Variants in STS observed in about 807,000 individuals in gnomAD.
STS encodes steroid sulfatase.
A neutral mutation model predicts 26.8 loss-of-function variants in STS; 7 were observed. The ratio of observed to expected loss-of-function variants is 0.26; its 90% confidence interval spans 0.15 to 0.49. The LOEUF is 0.49. STS is among the 20% of genes least tolerant of loss of function. STS has a pLI of 0.98. For synonymous variants in STS, 199 were observed against 189.4 expected (o/e 1.05, Z -0.42); for missense variants, 434 against 465.6 (o/e 0.93, Z 0.63).
At chrX:7,218,977 C>A (rs1343225324) in intron 2 of STS, among the ~76,000 whole-genome samples, 3 of 111,729 alleles carry the variant, frequency 2.7e-5, no homozygotes, top group Admixed American at 9.5e-5. Context: ...AGGCTGACAC[C>A]ACTTGTCACT....
At chrX:7,243,646 G>A (rs1211049725) in intron 2 of STS, among the ~76,000 whole-genome samples, 3 of 111,893 alleles carry the variant, frequency 2.7e-5, no homozygotes, top group East Asian at 5.7e-4. Flanking sequence ...ACATTCCCTG[G>A]GTTGGTTATC....
chrX:7,329,603 T>G (rs1569228743), intron 9 of STS, among the ~76,000 whole-genome samples: 2 of 112,453 alleles, frequency 1.8e-5, no homozygotes, highest in East Asian at 2.8e-4. Context: ...GCTAGAGAGA[T>G]ATTAAATTTG....
At position 7,241,149 on chromosome X, in the gene STS, T is replaced by TA. The variant is rs1167633397; in HGVS notation, c.-4-12041dup. 9.8e-5 allele frequency among the ~76,000 whole-genome samples: 11 copies of TA among 111,957 alleles called. No individual in the cohort carries two copies. In the Admixed American group the frequency reaches 1.0e-3, roughly 11 times the overall value. ...ACATCAGCAACTTATACAATAATGA[T>TA]AAAAAACAAAGAACATGGAGAGAAA... On this transcript the variant is annotated intron_variant, in intron 2 of 10. Coordinates refer to ENST00000674429, the MANE Select transcript of STS (RefSeq NM_001320752.2).
At chrX:7,297,055 A>G (rs182148396) in intron 7 of STS, among the ~76,000 whole-genome samples, 116 of 112,177 alleles carry the variant, frequency 1.0e-3, no homozygotes, top group Non-Finnish European at 2.1e-3. Flanking sequence ...TTATATGCAT[A>G]GTATGATTAT....
At chrX:7,155,296 C>G (rs759938607) in intron 1 of STS, among the ~76,000 whole-genome samples, 1 of 112,246 alleles carries the variant, frequency 8.9e-6, no homozygotes, top group South Asian at 3.7e-4. Context: ...AGCATAGGGT[C>G]CATTCTGACT....
intron 6 of STS, among the ~76,000 whole-genome samples, chrX:7,268,256 T>C (rs1165901265): frequency 8.9e-6 from 1 of 112,220 alleles, no homozygotes; most frequent in Non-Finnish European, 1.9e-5. Context: ...TTCCCTAAAA[T>C]CTATGACAGC....
chrX:7,302,622 T>C (rs750076917), intron 7 of STS, among the ~76,000 whole-genome samples: 1 of 112,041 alleles, frequency 8.9e-6, no homozygotes, highest in Admixed American at 9.5e-5. Context: ...CCCGTGGCAC[T>C]TGCAATCAAA....
At chrX:7,192,049 A>C (rs1276153119) in intron 2 of STS, among the ~76,000 whole-genome samples, 7 of 112,355 alleles carry the variant, frequency 6.2e-5, no homozygotes, top group African/African-American at 2.3e-4. Context: ...CAGGGGGCAC[A>C]ATATTTGGCC....
chrX:7,338,174 T>A (rs1409803308), intron 10 of STS, among the ~76,000 whole-genome samples: 2 of 111,641 alleles, frequency 1.8e-5, no homozygotes, highest in African/African-American at 3.2e-5. Context: ...GTATGAAAAA[T>A]TTTGGCTTTA....
chrX:7,229,547 G>A (rs781170348), intron 2 of STS, among the ~76,000 whole-genome samples: 37 of 110,853 alleles, frequency 3.3e-4, no homozygotes, highest in Non-Finnish European at 6.6e-4. Flanking sequence ...TTGGAGGGGT[G>A]CATCTGAGCT....
chrX:7,341,937 G>A (rs1346431085), intron 10 of STS, among the ~76,000 whole-genome samples: 8 of 110,242 alleles, frequency 7.3e-5, no homozygotes, highest in African/African-American at 2.0e-4. Context: ...CCAGCCTCCC[G>A]AGTAGCTGGG....
intron 1 of STS, among the ~76,000 whole-genome samples, chrX:7,186,769 C>G (rs1045973250): frequency 4.5e-5 from 5 of 111,967 alleles, no homozygotes; most frequent in Non-Finnish European, 7.5e-5. Context: ...TAAATATTTC[C>G]GGGAATAAAC....
chrX:7,320,539 C>T (rs1216247506), intron 8 of STS, among the ~76,000 whole-genome samples: 2 of 111,434 alleles, frequency 1.8e-5, no homozygotes, highest in East Asian at 2.8e-4. Context: ...TGTTGTATAG[C>T]GATCACTTAT....
chrX:7,206,993 T>G (rs1412879578), intron 2 of STS, among the ~76,000 whole-genome samples: 1 of 111,806 alleles, frequency 8.9e-6, no homozygotes, highest in Non-Finnish European at 1.9e-5. Flanking sequence ...GTGGATTGCT[T>G]GAGCCCATGA....
chrX:7,217,096 G>A (rs1921339280), intron 2 of STS, among the ~76,000 whole-genome samples: 1 of 110,719 alleles, frequency 9.0e-6, no homozygotes, highest in Non-Finnish European at 1.9e-5. Context: ...CTACTAAGAG[G>A]AAACACCAAG....
At chrX:7,187,472 C>T (rs1432082177) in intron 1 of STS, among the ~76,000 whole-genome samples, 1 of 111,905 alleles carries the variant, frequency 8.9e-6, no homozygotes, top group African/African-American at 3.3e-5. Flanking sequence ...ATCAATCAGT[C>T]AAATTTCAAC....
intron 2 of STS, among the ~76,000 whole-genome samples, chrX:7,206,477 C>A (rs1920950484): frequency 1.8e-5 from 2 of 112,181 alleles, no homozygotes; most frequent in African/African-American, 6.5e-5. Flanking sequence ...TCAATCTTTT[C>A]TTTTCTTTTT....
At chrX:7,315,394 G>T (rs1926667155) in intron 8 of STS, among the ~76,000 whole-genome samples, 1 of 111,887 alleles carries the variant, frequency 8.9e-6, no homozygotes, top group African/African-American at 3.3e-5. Flanking sequence ...AGGCTTTTAA[G>T]GAGCTTTGTA....
intron 8 of STS, among the ~76,000 whole-genome samples, chrX:7,321,408 A>G (rs1927025407): frequency 8.9e-6 from 1 of 112,108 alleles, no homozygotes; most frequent in Non-Finnish European, 1.9e-5. Context: ...AAACCTGCAC[A>G]TGTACCCCTG....
Sources: allele counts gnomAD v4.1 joint callset (sites outside exome capture counted in the v4.1 genomes callset), GRCh38; gene constraint gnomAD v4.1.1; transcripts MANE v1.5; gene names NCBI Gene and HGNC (gene_info 2026-07-23, HGNC 2026-07-21).